The following HS3ST2 variants were observed in gnomAD, a reference collection of about 807,000 sequenced individuals.
HS3ST2 encodes heparan sulfate glucosamine 3-O-sulfotransferase 2.
HS3ST2 carries 17 observed loss-of-function variants against 26.3 expected under a neutral mutation model. That is an observed-to-expected ratio of 0.65 (90% CI 0.44 to 0.97). HS3ST2 has a LOEUF of 0.97. Among genes scored for constraint, HS3ST2 ranks in the 50% least tolerant of loss-of-function variants. The pLI is 0.00. For synonymous variants in HS3ST2, 237 were observed against 219.2 expected (o/e 1.08, Z -0.72); for missense variants, 402 against 501.2 (o/e 0.80, Z 1.89).
At chr16:22,866,057 G>T (rs992479850) in intron 1 of HS3ST2, among the ~76,000 whole-genome samples, 6 of 152,092 alleles carry the variant, frequency 3.9e-5, no homozygotes, top group African/African-American at 1.4e-4. Context: ...TTACCTGACT[G>T]GTTCCTTACA....
At chr16:22,880,607 C>G (rs1391988773) in intron 1 of HS3ST2, among the ~76,000 whole-genome samples, 1 of 152,114 alleles carries the variant, frequency 6.6e-6, no homozygotes, top group Non-Finnish European at 1.5e-5. Flanking sequence ...CCTTTTGTGC[C>G]ATGTGGCCCA....
chr16:22,857,236 T>C (rs1567489331), intron 1 of HS3ST2, among the ~76,000 whole-genome samples: 1 of 152,256 alleles, frequency 6.6e-6, no homozygotes, highest in Non-Finnish European at 1.5e-5. Context: ...TCCGTAGTTA[T>C]AATTTTAAAC....
chr16:22,864,800 C>G (rs1420582202), intron 1 of HS3ST2, among the ~76,000 whole-genome samples: 3 of 148,390 alleles, frequency 2.0e-5, no homozygotes, highest in Admixed American at 6.9e-5. Context: ...AATCTCAGCA[C>G]TTTGGGAAGC....
intron 1 of HS3ST2, among the ~76,000 whole-genome samples, chr16:22,894,374 G>T (rs1402401194): frequency 6.6e-6 from 1 of 152,142 alleles, no homozygotes; most frequent in Non-Finnish European, 1.5e-5. Context: ...CCTGGCTGTG[G>T]GTAGGGGGAA....
At chr16:22,858,270 C>T (rs1241810308) in intron 1 of HS3ST2, among the ~76,000 whole-genome samples, 2 of 150,944 alleles carry the variant, frequency 1.3e-5, no homozygotes, top group East Asian at 3.9e-4. Context: ...GATTATTATG[C>T]ATTGCATGTC....
intron 1 of HS3ST2, among the ~76,000 whole-genome samples, chr16:22,911,017 G>T (rs141298184): frequency 6.6e-6 from 1 of 152,294 alleles, no homozygotes; most frequent in Non-Finnish European, 1.5e-5. Context: ...GATTCAGGCT[G>T]GGAGTGTATG....
chr16:22,890,013 T>C (rs1295707152), intron 1 of HS3ST2, among the ~76,000 whole-genome samples: 1 of 152,242 alleles, frequency 6.6e-6, no homozygotes, highest in African/African-American at 2.4e-5. Context: ...GTGAATACTT[T>C]CCTCTATTTC....
Position 22,830,178 on chromosome 16 carries a change from AACTTGGTCATTGCCTCCAGCTC to A in HS3ST2, c.485+15084_485+15105del, listed in dbSNP as rs879770542. On this transcript the variant is annotated intron_variant, in intron 1 of 1. Transcript: ENST00000261374. ...TCTCTGTAGGATAGAAGCTCTCTGCAACTTGGTCATTGCCTCCAGCTCCCAATGACGTATTCAGAACACCAAG... is the reference window on the plus strand; with the variant it reads ...TCTCTGTAGGATAGAAGCTCTCTGCACCAATGACGTATTCAGAACACCAAG... 7.0e-3 allele frequency among the ~76,000 whole-genome samples: 1,066 copies of A among 152,262 alleles called. 8 individuals carry two copies. The highest frequency in any genetic ancestry group is 0.013 in the South Asian group (65 of 4,818).
intron 1 of HS3ST2, among the ~76,000 whole-genome samples, chr16:22,884,660 ATATATATATATATATAT>A (rs1426360041): frequency 6.6e-5 from 9 of 136,084 alleles, no homozygotes; most frequent in Admixed American, 6.1e-4. Flanking sequence ...AGAGAAAAAA[ATATATATATATATATAT>A]TATATATATA....
chr16:22,846,080 C>T (rs1225625288), intron 1 of HS3ST2, among the ~76,000 whole-genome samples: 1 of 152,144 alleles, frequency 6.6e-6, no homozygotes, highest in African/African-American at 2.4e-5. Flanking sequence ...GAGTTCAAGA[C>T]CAGCCTGACC....
At chr16:22,851,698 C>T (rs1479755085) in intron 1 of HS3ST2, among the ~76,000 whole-genome samples, 2 of 152,136 alleles carry the variant, frequency 1.3e-5, no homozygotes, top group Non-Finnish European at 2.9e-5. Context: ...AGGTGAAGGA[C>T]GCCTTAGACT....
At chr16:22,909,294 G>A (rs1383876181) in intron 1 of HS3ST2, among the ~76,000 whole-genome samples, 2 of 152,184 alleles carry the variant, frequency 1.3e-5, no homozygotes, top group African/African-American at 2.4e-5. Context: ...TGGGAGGAAA[G>A]TCCAAACAAT....
intron 1 of HS3ST2, among the ~76,000 whole-genome samples, chr16:22,901,716 T>A (rs550917885): frequency 1.3e-5 from 2 of 152,238 alleles, no homozygotes; most frequent in African/African-American, 4.8e-5. Context: ...CGATCACCGT[T>A]CCTCCTTTCC....
intron 1 of HS3ST2, among the ~76,000 whole-genome samples, chr16:22,900,293 C>T (rs540155239): frequency 2.0e-5 from 3 of 152,260 alleles, no homozygotes; most frequent in Admixed American, 6.5e-5. Flanking sequence ...GATAAAGATC[C>T]CTTTGGCCTC....
chr16:22,851,410 T>C (rs1901516516), intron 1 of HS3ST2, among the ~76,000 whole-genome samples: 1 of 152,254 alleles, frequency 6.6e-6, no homozygotes, highest in Non-Finnish European at 1.5e-5. Flanking sequence ...TCAAGGGGCT[T>C]GCTCAAAATC....
intron 1 of HS3ST2, among the ~76,000 whole-genome samples, chr16:22,837,578 TACAC>T (rs1045004308): frequency 7.1e-6 from 1 of 140,232 alleles, no homozygotes; most frequent in Non-Finnish European, 1.5e-5. Flanking sequence ...TATATATATA[TACAC>T]ACACACACGG....
chr16:22,829,311 T>C (rs888027566), intron 1 of HS3ST2, among the ~76,000 whole-genome samples: 2 of 152,132 alleles, frequency 1.3e-5, no homozygotes, highest in Non-Finnish European at 2.9e-5. Context: ...TGGCTGTGGG[T>C]TATGCAGAAT....
Position 22,814,972 on chromosome 16 carries a change from G to A in HS3ST2, c.362G>A (p.Gly121Asp). The A allele has an allele frequency of 6.2e-7, 1 of 1,612,836 alleles. No homozygotes were observed. The highest frequency in any genetic ancestry group is 8.5e-7 in the Non-Finnish European group (1 of 1,179,886). Residue 121 changes from glycine (G) to aspartate (D), a missense_variant, in exon 1 of 2, where the codon GGC becomes GAC. Transcript: ENST00000261374. ...TKRLPQALIV[G>D]VKKGGTRAVL... is the part of the protein sequence containing the mutation. Reference sequence around the variant, plus strand: ...CGGTTGCCCCAAGCCCTCATTGTGGGCGTGAAGAAGGGGGGCACCCGGGCC... The same window carrying A: ...CGGTTGCCCCAAGCCCTCATTGTGGACGTGAAGAAGGGGGGCACCCGGGCC...
At chr16:22,846,686 G>A (rs1295725306) in intron 1 of HS3ST2, among the ~76,000 whole-genome samples, 1 of 152,068 alleles carries the variant, frequency 6.6e-6, no homozygotes, top group African/African-American at 2.4e-5. Flanking sequence ...ATGAGAAGGT[G>A]GACTAGGGCA....
Sources: allele counts gnomAD v4.1 joint callset (sites outside exome capture counted in the v4.1 genomes callset), GRCh38; gene constraint gnomAD v4.1.1; transcripts MANE v1.5; gene names NCBI Gene and HGNC (gene_info 2026-07-23, HGNC 2026-07-21).